The following WDFY3 variants were observed in gnomAD, a reference collection of about 807,000 sequenced individuals.
WDFY3 encodes the protein WD repeat and FYVE domain-containing protein 3.
WDFY3 carries 66 observed loss-of-function variants against 409.6 expected under a neutral mutation model. The observed-to-expected ratio is 0.16, with a 90% CI of 0.13 to 0.20. WDFY3 has a LOEUF of 0.20. Ranked by LOEUF, WDFY3 falls within the 10% of genes least tolerant of loss-of-function variation. The pLI, the probability that WDFY3 is intolerant of heterozygous loss-of-function variation, is 1.00. For missense variants in WDFY3, 3,031 were observed against 4,298.1 expected (o/e 0.71, Z 8.24); for synonymous variants, 1,521 against 1,537.1 (o/e 0.99, Z 0.25).
At position 84,680,586 on chromosome 4, in the gene WDFY3, T is replaced by G. The variant is rs569186793; in HGVS notation, c.9824-1344A>C. ...AATAAAGTCTACTGGAGGGAAAATG[T>G]ATAAGAAACAAGTATACCTGGCCCT... On this transcript the variant is annotated intron_variant, in intron 64 of 67. Transcript: ENST00000295888. Among the ~76,000 whole-genome samples, 3 of 152,344 alleles carry G rather than the reference T, an allele frequency of 2.0e-5. 1 individual carries two copies. Among genetic ancestry groups the G allele is most frequent in the South Asian group, 4.1e-4 (2 of 4,824 alleles).
At chr4:84,753,140 G>A (rs1740831901) in intron 35 of WDFY3, among the ~76,000 whole-genome samples, 1 of 152,076 alleles carries the variant, frequency 6.6e-6, no homozygotes, top group African/African-American at 2.4e-5. Flanking sequence ...TTATTTTAAA[G>A]AACAAAAGAG....
At position 84,810,175 on chromosome 4, in the gene WDFY3, T is replaced by C; in HGVS notation, c.2057A>G (p.His686Arg). 6.2e-7 allele frequency: 1 copy of C among 1,614,142 alleles called. No homozygotes were observed. Among genetic ancestry groups the C allele is most frequent in the South Asian group, 1.1e-5 (1 of 91,092 alleles). The change falls in exon 14 of 68, where the codon CAC (histidine) becomes CGC (arginine). Residue 686 changes from histidine (H) to arginine (R), a missense_variant. By Grantham distance (29) the His-to-Arg change is conservative. Coordinates refer to ENST00000295888, the MANE Select transcript of WDFY3 (RefSeq NM_014991.6). ...VNQNQVFELL[H>R]TVFCTLTAAM... ...TGCAGTCAACGTGCAGAACACAGTG[T>C]GAAGAAGTTCAAACACTTGATTCTG...
chr4:84,820,006 T>C, intron 12 of WDFY3, 79 bp downstream of exon 12: 1 of 1,266,600 alleles, frequency 7.9e-7, no homozygotes, highest in Non-Finnish European at 1.1e-6. Flanking sequence ...GACAGGAAGA[T>C]TTCAGAAGCA....
intron 2 of WDFY3, among the ~76,000 whole-genome samples, chr4:84,898,475 T>A (rs1765930658): frequency 1.3e-5 from 2 of 152,134 alleles, no homozygotes; most frequent in African/African-American, 4.8e-5. Flanking sequence ...GCATATCATA[T>A]CAACAGTAGC....
Position 84,847,492 on chromosome 4 carries a change from C to A in WDFY3, c.304+2410G>T, listed in dbSNP as rs527539091. Among the ~76,000 whole-genome samples the A allele has an allele frequency of 3.3e-5, 5 of 151,174 alleles. No individual in the cohort carries two copies. The South Asian group carries it at 6.3e-4, about 19-fold the overall frequency. On this transcript the variant is annotated intron_variant, in intron 5 of 67. Transcript: ENST00000295888. ...GAAAGAAAAACAAGAAACCGCCGGG[C>A]GCAGTGGCTCATGCCTGTAATCCCA... is the stretch of plus-strand genomic sequence containing the variant.
intron 45 of WDFY3, among the ~76,000 whole-genome samples, chr4:84,726,354 T>C (rs891397447): frequency 8.5e-5 from 13 of 152,188 alleles, no homozygotes; most frequent in African/African-American, 1.4e-4. Context: ...AAACGATAAT[T>C]AACTTTTCTA....
chr4:84,878,336 A>T lies in WDFY3; in HGVS notation c.-31-17714T>A, dbSNP rs184139421. Among the ~76,000 whole-genome samples, 4 of 152,350 alleles carry T rather than the reference A, an allele frequency of 2.6e-5. No individual in the cohort carries two copies. The East Asian group carries it at 7.7e-4, about 29-fold the overall frequency. The stretch of plus-strand genomic sequence containing the variant: ...AGAAATCATGACTGAATGAGGCTGG[A>T]ATGTATGTTAAGACCTAAAAGTGAT... On this transcript the variant is annotated intron_variant, in intron 3 of 67. Coordinates refer to ENST00000295888, the MANE Select transcript of WDFY3 (RefSeq NM_014991.6).
At position 84,780,189 on chromosome 4, in the gene WDFY3, A is replaced by G. The variant is rs1407977955; in HGVS notation, c.4284T>C (p.Tyr1428=). 1.9e-6 allele frequency: 3 copies of G among 1,613,932 alleles called. No individual in the cohort carries two copies. The highest frequency in any genetic ancestry group is 2.5e-6 in the Non-Finnish European group (3 of 1,179,928). Residue 1428 remains tyrosine, a synonymous_variant, in exon 26 of 68, where the codon TAT becomes TAC. Coordinates refer to ENST00000295888, the MANE Select transcript of WDFY3 (RefSeq NM_014991.6). ...VAMASDVEGL[Y]AAVKALVCVV... The stretch of plus-strand genomic sequence containing the variant: ...CACAAACCAGGGCCTTGACTGCTGC[A>G]TATAACCCTTCCACATCAGAGGCCA...
At position 84,752,482 on chromosome 4, in the gene WDFY3, G is replaced by A. The variant is rs141325078; in HGVS notation, c.5740-766C>T. 6.1e-3 allele frequency among the ~76,000 whole-genome samples: 919 copies of A among 150,810 alleles called. 11 individuals carry two copies. The highest frequency in any genetic ancestry group is 0.021 in the African/African-American group (870 of 41,022). On this transcript the variant is annotated intron_variant, in intron 35 of 67. Transcript: ENST00000295888. The stretch of plus-strand genomic sequence containing the variant: ...GTGGAGGTTGCAGTGAGCCGAGATC[G>A]TGCCACCATTGCACTCCAGCCGGGA...
rs1736899639 is a variant in WDFY3, at chr4:84,733,248, T to TA, written c.7221+133dup. The TA allele has an allele frequency of 1.6e-5, 16 of 993,872 alleles. 1 individual carries two copies. In the South Asian group the frequency reaches 2.5e-4, roughly 16 times the overall value. 61.6% of individuals were successfully genotyped at this position (993,872 alleles called of 1,614,324 possible). On this transcript the variant is annotated intron_variant, in intron 44 of 67. Transcript: ENST00000295888. Reference sequence around the variant, plus strand: ...TTTCACTCCACCTCCACTCTGAAGTTATCAATTTAATAGCGTATGTTGAAT... The same window carrying TA: ...TTTCACTCCACCTCCACTCTGAAGTTAATCAATTTAATAGCGTATGTTGAAT...
rs191256370 is a variant in WDFY3, at chr4:84,678,054, A to G, written c.10259+114T>C. 1.4e-3 allele frequency: 1,044 copies of G among 722,262 alleles called. 2 individuals are homozygous for G. The highest frequency in any genetic ancestry group is 2.2e-3 in the South Asian group (138 of 61,434). 44.7% of individuals were successfully genotyped at this position (722,262 alleles called of 1,614,324 possible). ...CTTCAAATTTATCTCTTTGAGCTACATACGATAATACAAATAAAATCTGTT... is the reference window on the plus strand; with the variant it reads ...CTTCAAATTTATCTCTTTGAGCTACGTACGATAATACAAATAAAATCTGTT... On this transcript the variant is annotated intron_variant, in intron 66 of 67. Transcript: ENST00000295888.
At chr4:84,826,618 T>G (rs963689858) in intron 10 of WDFY3, among the ~76,000 whole-genome samples, 197 bp downstream of exon 10, 13 of 152,090 alleles carry the variant, frequency 8.5e-5, no homozygotes, top group African/African-American at 2.4e-4. Context: ...TATAATATTA[T>G]TTTCAAGTAT....
intron 3 of WDFY3, among the ~76,000 whole-genome samples, chr4:84,861,701 T>A (rs1182372396): frequency 6.6e-6 from 1 of 152,236 alleles, no homozygotes; most frequent in African/African-American, 2.4e-5. Context: ...TATTACTGTG[T>A]ACTGAATCAT....
At chr4:84,804,946 G>A (rs1751263688) in intron 15 of WDFY3, among the ~76,000 whole-genome samples, 1 of 152,014 alleles carries the variant, frequency 6.6e-6, no homozygotes, top group African/African-American at 2.4e-5. Context: ...ACTAACACAG[G>A]TTGAGTACCC....
chr4:84,851,990 T>C (rs115133122), intron 4 of WDFY3, among the ~76,000 whole-genome samples: 1,701 of 152,338 alleles, frequency 0.011, 27 homozygotes, highest in African/African-American at 0.039. Flanking sequence ...CTTCTTATTA[T>C]AGATCTCAAA....
chr4:84,906,114 T>G (rs770972909), intron 2 of WDFY3, among the ~76,000 whole-genome samples: 21 of 152,226 alleles, frequency 1.4e-4, no homozygotes, highest in Non-Finnish European at 2.4e-4. Flanking sequence ...ATTCACCACC[T>G]AGTAAAATGC....
intron 3 of WDFY3, among the ~76,000 whole-genome samples, chr4:84,896,445 C>A (rs1765650785): frequency 6.6e-6 from 1 of 151,658 alleles, no homozygotes; most frequent in African/African-American, 2.4e-5. Context: ...TCTATTTTTC[C>A]AAGTAGAAAA....
intron 22 of WDFY3, 69 bp from the exon 23 acceptor site, chr4:84,787,782 T>A: frequency 1.5e-6 from 2 of 1,339,728 alleles, no homozygotes; most frequent in South Asian, 1.3e-5. Context: ...TACTTCAGCA[T>A]ATGTATTTTC....
At chr4:84,789,648 C>A in intron 22 of WDFY3, 78 bp downstream of exon 22, 1 of 1,330,654 alleles carries the variant, frequency 7.5e-7, no homozygotes, top group Non-Finnish European at 1.1e-6. Flanking sequence ...CACACACACA[C>A]ACACACACAC....
Sources: gnomAD v4.1 joint callset for allele counts (sites outside exome capture counted in the v4.1 genomes callset) on GRCh38, gnomAD v4.1.1 for gene constraint, MANE v1.5 for transcripts, NCBI Gene and HGNC (gene_info 2026-07-23, HGNC 2026-07-21) for gene names.